CHRM2: variants seen among roughly 807,000 people sequenced by gnomAD.
CHRM2 encodes the protein cholinergic receptor muscarinic 2.
CHRM2 carries 8 observed loss-of-function variants against 25.0 expected under a neutral mutation model. The observed-to-expected ratio is 0.32, with a 90% CI of 0.19 to 0.58. The LOEUF is 0.58. Among genes scored for constraint, CHRM2 ranks in the 20% least tolerant of loss-of-function variants. CHRM2 has a pLI of 0.88. For missense variants in CHRM2, 440 were observed against 567.1 expected, an observed-to-expected ratio of 0.78 and a Z score of 2.28; for synonymous variants, 202 against 205.7, an observed-to-expected ratio of 0.98 and a Z score of 0.15.
At chr7:136,961,691 AAC>A (rs1801093241) in intron 2 of CHRM2, among the ~76,000 whole-genome samples, 1 of 91,046 alleles carries the variant, frequency 1.1e-5, no homozygotes, top group Non-Finnish European at 3.3e-5. Flanking sequence ...TAAATTCTCA[AAC>A]ATTTTTTAAA....
In CHRM2 at chr7:136,981,429, GTC is replaced by G. The variant is rs1584870926; in HGVS notation, c.-124-10754_-124-10753del. On this transcript the variant is annotated intron_variant, in intron 2 of 3. Transcript: ENST00000680005. The stretch of plus-strand genomic sequence containing the variant: ...AATGAATTTTTGAAGGGCTTTTCAT[GTC>G]TCTATCTCCTTCACTGAAGGAAATC... Among the ~76,000 whole-genome samples, 4 of 152,244 alleles carry G rather than the reference GTC, an allele frequency of 2.6e-5. No individual in the cohort carries two copies. The East Asian group carries it at 7.7e-4, about 29-fold the overall frequency.
At chr7:136,885,493 G>C (rs1027659440) in intron 2 of CHRM2, among the ~76,000 whole-genome samples, 1 of 152,222 alleles carries the variant, frequency 6.6e-6, no homozygotes, top group South Asian at 2.1e-4. Flanking sequence ...TTACATTTCT[G>C]TCCCCCTGCA....
chr7:136,938,653 AC>A (rs1799564399), intron 2 of CHRM2: 2 of 824,632 alleles, frequency 2.4e-6, no homozygotes, highest in Non-Finnish European at 2.1e-6. Context: ...CACAGGGCCC[AC>A]TCGTGCAGGA....
At chr7:136,916,738 T>C (rs1461076065) in intron 2 of CHRM2, among the ~76,000 whole-genome samples, 1 of 151,306 alleles carries the variant, frequency 6.6e-6, no homozygotes, top group African/African-American at 2.4e-5. Flanking sequence ...TGTACTATGT[T>C]ATATTAGGTT....
At chr7:136,983,395 G>C (rs978118442) in intron 2 of CHRM2, among the ~76,000 whole-genome samples, 3 of 152,104 alleles carry the variant, frequency 2.0e-5, no homozygotes, top group Non-Finnish European at 2.9e-5. Flanking sequence ...TTAGCTTGGA[G>C]GACTTTGTTA....
intron 2 of CHRM2, among the ~76,000 whole-genome samples, chr7:136,874,036 T>C (rs1456656564): frequency 6.6e-6 from 1 of 152,218 alleles, no homozygotes; most frequent in Non-Finnish European, 1.5e-5. Context: ...GAGTTCATGA[T>C]AGGAAGCAGA....
At chr7:136,972,257 C>A (rs900495983) in intron 2 of CHRM2, among the ~76,000 whole-genome samples, 2 of 151,958 alleles carry the variant, frequency 1.3e-5, no homozygotes, top group South Asian at 2.1e-4. Flanking sequence ...TTATTTATTT[C>A]TTAAAAGTCT....
chr7:137,006,037 C>A (rs1804402710), intron 3 of CHRM2, among the ~76,000 whole-genome samples: 1 of 152,076 alleles, frequency 6.6e-6, no homozygotes, highest in African/African-American at 2.4e-5. Flanking sequence ...AACCTTTAGA[C>A]AGAGGGCTTT....
intron 2 of CHRM2, among the ~76,000 whole-genome samples, chr7:136,920,032 GA>G (rs1462763622): frequency 6.6e-6 from 1 of 151,900 alleles, no homozygotes; most frequent in East Asian, 1.9e-4. Context: ...GCAATGTAGT[GA>G]AGCTCCCAGG....
chr7:136,965,905 A>G (rs1332245115), intron 2 of CHRM2, among the ~76,000 whole-genome samples: 1 of 152,034 alleles, frequency 6.6e-6, no homozygotes, highest in East Asian at 1.9e-4. Flanking sequence ...GACAAAAAAA[A>G]AGAAAGCCAA....
intron 3 of CHRM2, among the ~76,000 whole-genome samples, chr7:137,007,474 AC>A (rs1302971886): frequency 6.6e-6 from 1 of 151,894 alleles, no homozygotes; most frequent in African/African-American, 2.4e-5. Context: ...TGCGGCCACC[AC>A]CCCCACCACA....
intron 2 of CHRM2, chr7:136,902,854 C>T (rs564319772): frequency 3.4e-6 from 1 of 297,568 alleles, no homozygotes; most frequent in African/African-American, 2.3e-5. Context: ...GTTTGTTATA[C>T]AGCAACTGCA....
chr7:136,967,017 G>T (rs1801461221), intron 2 of CHRM2, among the ~76,000 whole-genome samples: 1 of 151,910 alleles, frequency 6.6e-6, no homozygotes. Flanking sequence ...TTGAAAAATA[G>T]GATGTGATGA....
Position 136,895,407 on chromosome 7 carries a change from G to A in CHRM2, c.-125+25989G>A, listed in dbSNP as rs1040791304. ...CTCAAAATATGTTTGGGGCTATAGC[G>A]GTTTTCCTAAATTTCATTCCCATCT... On this transcript the variant is annotated intron_variant, in intron 2 of 3. Transcript: ENST00000680005. Among the ~76,000 whole-genome samples, 6 of 152,138 alleles carry A rather than the reference G, an allele frequency of 3.9e-5. No homozygotes were observed. The East Asian group carries it at 7.7e-4, about 20-fold the overall frequency.
At chr7:136,945,142 T>C (rs1431133610) in intron 2 of CHRM2, among the ~76,000 whole-genome samples, 3 of 152,108 alleles carry the variant, frequency 2.0e-5, no homozygotes, top group Non-Finnish European at 4.4e-5. Flanking sequence ...CTTTTTCAGA[T>C]GCATAGATTG....
At chr7:136,970,563 T>G (rs1489820191) in intron 2 of CHRM2, among the ~76,000 whole-genome samples, 3 of 152,188 alleles carry the variant, frequency 2.0e-5, no homozygotes, top group Non-Finnish European at 4.4e-5. Context: ...GTAGGGACCA[T>G]GTCTTGGACT....
chr7:136,950,981 T>A (rs1037657796), intron 2 of CHRM2: 3 of 152,376 alleles, frequency 2.0e-5, no homozygotes, highest in African/African-American at 7.3e-5. Context: ...TAATTTTTTT[T>A]ATTTTTTTGC....
chr7:136,891,754 AT>A (rs1796698692), intron 2 of CHRM2, among the ~76,000 whole-genome samples: 1 of 151,884 alleles, frequency 6.6e-6, no homozygotes, highest in South Asian at 2.1e-4. Context: ...TATGCCCTAT[AT>A]TTTTCCTTTT....
At chr7:136,990,729 T>A (rs1229113858) in intron 2 of CHRM2, among the ~76,000 whole-genome samples, 3 of 152,158 alleles carry the variant, frequency 2.0e-5, no homozygotes, top group Non-Finnish European at 4.4e-5. Flanking sequence ...TGGGTAAACA[T>A]CAAGAAGCAT....
Sources: gnomAD v4.1 joint callset for allele counts (sites outside exome capture counted in the v4.1 genomes callset) on GRCh38, gnomAD v4.1.1 for gene constraint, MANE v1.5 for transcripts, NCBI Gene and HGNC (gene_info 2026-07-23, HGNC 2026-07-21) for gene names.